The following RBFOX1 variants were observed in gnomAD, a reference collection of about 807,000 sequenced individuals.
The protein encoded by RBFOX1 is RNA binding protein fox-1 homolog 1.
A neutral mutation model predicts 57.7 loss-of-function variants in RBFOX1; 8 were observed. That is an observed-to-expected ratio of 0.14 (90% CI 0.08 to 0.25). The LOEUF (loss-of-function observed/expected upper bound fraction) is 0.25, where lower values mean the gene tolerates loss of function less well. RBFOX1 is among the 10% of genes least tolerant of loss of function. The probability of loss-of-function intolerance (pLI) is 1.00; values close to 1 mark genes in which losing one functional copy is unlikely to be tolerated. For missense variants in RBFOX1, 611 were observed against 548.5 expected, an observed-to-expected ratio of 1.11 and a Z score of -1.14; for synonymous variants, 326 against 222.4, an observed-to-expected ratio of 1.47 and a Z score of -4.15.
intron 4 of RBFOX1, among the ~76,000 whole-genome samples, chr16:7,272,450 C>G (rs1200097796): frequency 6.6e-6 from 1 of 152,166 alleles, no homozygotes; most frequent in Non-Finnish European, 1.5e-5. Context: ...TCCCAAAAGG[C>G]TGGAATTACA....
chr16:6,729,287 G>A (rs946735596), intron 3 of RBFOX1, among the ~76,000 whole-genome samples: 1 of 152,150 alleles, frequency 6.6e-6, no homozygotes, highest in Non-Finnish European at 1.5e-5. Flanking sequence ...TGACGATCAA[G>A]ATTTGTTTAG....
chr16:7,526,658 C>T (rs1326620103), intron 5 of RBFOX1, among the ~76,000 whole-genome samples: 2 of 152,198 alleles, frequency 1.3e-5, no homozygotes, highest in African/African-American at 4.8e-5. Flanking sequence ...TGAATAGTTA[C>T]ATCGAAATGA....
intron 3 of RBFOX1, among the ~76,000 whole-genome samples, chr16:6,666,895 A>G (rs2098736506): frequency 6.6e-6 from 1 of 152,198 alleles, no homozygotes; most frequent in Admixed American, 6.5e-5. Context: ...TCTGCTCCAC[A>G]GAACCATCAA....
intron 3 of RBFOX1, among the ~76,000 whole-genome samples, chr16:7,006,012 C>T (rs930897525): frequency 6.6e-6 from 1 of 152,140 alleles, no homozygotes; most frequent in African/African-American, 2.4e-5. Flanking sequence ...AGCTGGACAG[C>T]ATCTTACTGA....
At chr16:6,751,425 A>G (rs758312382) in intron 3 of RBFOX1, among the ~76,000 whole-genome samples, 1 of 152,112 alleles carries the variant, frequency 6.6e-6, no homozygotes, top group Non-Finnish European at 1.5e-5. Flanking sequence ...GGTGGTCTGT[A>G]TTCTTGGGGC....
chr16:7,379,122 A>G (rs542026610), intron 4 of RBFOX1, among the ~76,000 whole-genome samples: 6 of 152,302 alleles, frequency 3.9e-5, no homozygotes, highest in African/African-American at 7.2e-5. Flanking sequence ...ATGGTAGCCA[A>G]TGTCATCACT....
chr16:5,919,371 T>C (rs1003878123), intron 4 of RBFOX1, among the ~76,000 whole-genome samples: 6 of 152,190 alleles, frequency 3.9e-5, no homozygotes, highest in Admixed American at 6.5e-5. Context: ...AGACGGAGTT[T>C]TGTTCTTGTT....
Position 7,102,261 on chromosome 16 carries a change from C to T in RBFOX1, c.27+50163C>T, listed in dbSNP as rs144481095. On this transcript the variant is annotated intron_variant, in intron 4 of 15. Transcript: ENST00000550418. ...ATGAAAATATCTTTCTCAATTCTAC[C>T]TTTGTATAGGAACTCCATTCTTTGT... Among the ~76,000 whole-genome samples, 559 of 152,276 alleles carry T rather than the reference C, an allele frequency of 3.7e-3. 2 individuals carry two copies. Among genetic ancestry groups the T allele is most frequent in the African/African-American group, 0.013 (527 of 41,568 alleles).
At chr16:5,502,433 G>A (rs531551314) in intron 2 of RBFOX1, among the ~76,000 whole-genome samples, 53 of 152,254 alleles carry the variant, frequency 3.5e-4, no homozygotes, top group African/African-American at 1.2e-3. Flanking sequence ...GGGTCAGGGG[G>A]TGGACATGGA....
chr16:5,655,685 CTT>C (rs1331611872), intron 3 of RBFOX1, among the ~76,000 whole-genome samples: 2 of 152,280 alleles, frequency 1.3e-5, no homozygotes, highest in South Asian at 4.1e-4. Context: ...ATTTGTACCT[CTT>C]TCTCATCTCA....
chr16:5,684,171 G>A (rs1018085049), intron 3 of RBFOX1, among the ~76,000 whole-genome samples: 1 of 152,062 alleles, frequency 6.6e-6, no homozygotes, highest in South Asian at 2.1e-4. Flanking sequence ...TATCTAAAAA[G>A]GATATCCCTG....
intron 3 of RBFOX1, among the ~76,000 whole-genome samples, chr16:6,814,964 C>T (rs1406493307): frequency 2.0e-5 from 3 of 152,176 alleles, no homozygotes; most frequent in Admixed American, 1.3e-4. Flanking sequence ...GGCTGTTCTA[C>T]AGGCAGAGCA....
intron 1 of RBFOX1, among the ~76,000 whole-genome samples, chr16:6,048,663 A>G (rs1402117390): frequency 6.6e-6 from 1 of 152,120 alleles, no homozygotes; most frequent in Non-Finnish European, 1.5e-5. Flanking sequence ...ATATACTGTG[A>G]CCTTCAGTGG....
At chr16:5,970,903 C>G (rs2059948704) in intron 4 of RBFOX1, among the ~76,000 whole-genome samples, 1 of 152,178 alleles carries the variant, frequency 6.6e-6, no homozygotes, top group Non-Finnish European at 1.5e-5. Context: ...TGACTGTTGT[C>G]AAGCATGTGT....
chr16:5,816,840 C>G (rs1398136054), intron 3 of RBFOX1, among the ~76,000 whole-genome samples: 1 of 152,084 alleles, frequency 6.6e-6, no homozygotes, highest in Non-Finnish European at 1.5e-5. Context: ...TCTGTCCTCT[C>G]TGTGTTCTTT....
intron 13 of RBFOX1, among the ~76,000 whole-genome samples, chr16:7,670,825 G>A (rs891273243): frequency 2.0e-5 from 3 of 152,120 alleles, no homozygotes; most frequent in South Asian, 4.1e-4. Flanking sequence ...CACTCACATG[G>A]AAGATTAATC....
At chr16:7,008,372 T>C (rs1437644506) in intron 3 of RBFOX1, among the ~76,000 whole-genome samples, 1 of 151,922 alleles carries the variant, frequency 6.6e-6, no homozygotes, top group East Asian at 1.9e-4. Context: ...TGAAACCCTG[T>C]CTCTACTAAA....
chr16:5,900,178 C>G (rs1198064092), intron 4 of RBFOX1, among the ~76,000 whole-genome samples: 2 of 152,174 alleles, frequency 1.3e-5, no homozygotes, highest in Non-Finnish European at 2.9e-5. Context: ...TCTAAGCTTT[C>G]TCATTACACT....
intron 11 of RBFOX1, among the ~76,000 whole-genome samples, chr16:7,643,187 T>G (rs893116808): frequency 6.6e-6 from 1 of 152,206 alleles, no homozygotes; most frequent in Non-Finnish European, 1.5e-5. Context: ...TCAAAGAATA[T>G]TCATGTGTGT....
Sources: allele counts gnomAD v4.1 joint callset (sites outside exome capture counted in the v4.1 genomes callset), GRCh38; gene constraint gnomAD v4.1.1; transcripts MANE v1.5; gene names NCBI Gene and HGNC (gene_info 2026-07-23, HGNC 2026-07-21).